METTL25: variants seen among roughly 807,000 people sequenced by gnomAD.
METTL25 encodes methyltransferase like 25.
METTL25 carries 64 observed loss-of-function variants against 71.6 expected under a neutral mutation model. The ratio of observed to expected loss-of-function variants is 0.89; its 90% CI spans 0.73 to 1.10. The LOEUF is 1.10. Among genes scored for constraint, METTL25 ranks in the 50% least tolerant of loss-of-function variants. METTL25 has a pLI of 0.00. For synonymous variants in METTL25, 287 were observed against 250.3 expected (o/e 1.15, Z -1.38); for missense variants, 807 against 707.0 (o/e 1.14, Z -1.60).
chr12:82,391,237 G>A (rs969421329), intron 3 of METTL25, among the ~76,000 whole-genome samples: 2 of 151,914 alleles, frequency 1.3e-5, no homozygotes, highest in African/African-American at 2.4e-5. Context: ...AGAAACCAAG[G>A]CAAAGACCCA....
chr12:82,396,617 A>AC (rs1372061913), intron 3 of METTL25, among the ~76,000 whole-genome samples: 1 of 151,928 alleles, frequency 6.6e-6, no homozygotes, highest in Admixed American at 6.6e-5. Flanking sequence ...TTTTATTCTT[A>AC]TTTTTTGTTT....
At chr12:82,426,297 G>A (rs1470247815) in intron 5 of METTL25, among the ~76,000 whole-genome samples, 4 of 152,012 alleles carry the variant, frequency 2.6e-5, no homozygotes, top group Admixed American at 6.6e-5. Context: ...GATCTCAGCC[G>A]CAAAGGAAAC....
rs142491133 is a variant in METTL25, at chr12:82,414,679, G to C, written c.1279+11549G>C. 3.6e-3 allele frequency among the ~76,000 whole-genome samples: 549 copies of C among 152,200 alleles called. 1 individual carries two copies. The highest frequency in any genetic ancestry group is 0.013 in the African/African-American group (526 of 41,550). ...GTATATAAAGTAATATGAAAGCAAAGTTGACAAATTCTTGTCAGAGAGTTG... is the reference window on the plus strand; with the variant it reads ...GTATATAAAGTAATATGAAAGCAAACTTGACAAATTCTTGTCAGAGAGTTG... On this transcript the variant is annotated intron_variant, in intron 5 of 11. Transcript: ENST00000248306.
intron 5 of METTL25, among the ~76,000 whole-genome samples, chr12:82,408,299 C>T (rs1887258048): frequency 6.6e-6 from 1 of 152,064 alleles, no homozygotes; most frequent in Non-Finnish European, 1.5e-5. Context: ...ATTCATATGA[C>T]AGGTTAAACT....
chr12:82,410,751 G>A (rs1887499328), intron 5 of METTL25, among the ~76,000 whole-genome samples: 1 of 152,058 alleles, frequency 6.6e-6, no homozygotes, highest in Non-Finnish European at 1.5e-5. Context: ...GATAGATAGT[G>A]TTGTTCTGAG....
intron 5 of METTL25, among the ~76,000 whole-genome samples, chr12:82,420,952 C>A (rs1888427830): frequency 6.6e-6 from 1 of 152,012 alleles, no homozygotes; most frequent in Admixed American, 6.6e-5. Context: ...ACCTCTGCCT[C>A]CTAGGTTCAA....
intron 5 of METTL25, among the ~76,000 whole-genome samples, chr12:82,428,256 T>C (rs1358405074): frequency 6.6e-6 from 1 of 151,824 alleles, no homozygotes; most frequent in African/African-American, 2.4e-5. Context: ...AATCTGAGAA[T>C]TGCAGCCTCT....
chr12:82,466,465 A>G (rs932055997), intron 9 of METTL25, among the ~76,000 whole-genome samples: 10 of 151,566 alleles, frequency 6.6e-5, no homozygotes, highest in African/African-American at 2.2e-4. Context: ...GATATTTGGT[A>G]TGATTTTGAT....
Position 82,358,841 on chromosome 12 carries a change from G to C in METTL25, c.259+17G>C. ...GGGAAGCAGGTGGGTGGTGGGGTAG[G>C]CGGGGCGGGAAGGGAGGCGGAGGAG... is the stretch of plus-strand genomic sequence containing the variant. On this transcript the variant is annotated intron_variant, in intron 1 of 11. Transcript: ENST00000248306. 1.3e-6 allele frequency: 2 copies of C among 1,592,274 alleles called. No individual in the cohort carries two copies. The highest frequency in any genetic ancestry group is 4.5e-5 in the East Asian group (2 of 44,132).
intron 3 of METTL25, among the ~76,000 whole-genome samples, chr12:82,393,462 G>A (rs986295657): frequency 2.0e-5 from 3 of 151,854 alleles, no homozygotes; most frequent in Non-Finnish European, 4.4e-5. Flanking sequence ...ACTAGTTTTT[G>A]TTACTGATTT....
At chr12:82,413,853 A>G (rs953576435) in intron 5 of METTL25, among the ~76,000 whole-genome samples, 1 of 151,898 alleles carries the variant, frequency 6.6e-6, no homozygotes, top group African/African-American at 2.4e-5. Flanking sequence ...CATTTGGATG[A>G]TAATAAGAAA....
At chr12:82,403,942 T>C (rs942690180) in intron 5 of METTL25, among the ~76,000 whole-genome samples, 5 of 152,164 alleles carry the variant, frequency 3.3e-5, no homozygotes, top group Non-Finnish European at 7.3e-5. Context: ...TTACCAACTT[T>C]TGTGTGCATT....
intron 4 of METTL25, 54 bp downstream of exon 4, chr12:82,399,448 T>A: frequency 1.5e-6 from 2 of 1,327,340 alleles, no homozygotes; most frequent in South Asian, 2.9e-5. Context: ...TGTATTCAAT[T>A]TTAATAGTAG....
intron 1 of METTL25, among the ~76,000 whole-genome samples, chr12:82,367,588 A>G (rs1164626256): frequency 6.6e-6 from 1 of 152,090 alleles, no homozygotes; most frequent in African/African-American, 2.4e-5. Context: ...TCTCCTTTTT[A>G]AATCTTGCAA....
At position 82,430,920 on chromosome 12, in the gene METTL25, C is replaced by G; in HGVS notation, c.1307C>G (p.Pro436Arg). The change falls in exon 6 of 12, where the codon CCA becomes CGA. Residue 436 changes from proline (P) to arginine (R), a missense_variant. Pro to Arg is a moderately radical substitution (Grantham distance 103, BLOSUM62 -2). Coordinates refer to ENST00000248306, the MANE Select transcript of METTL25 (RefSeq NM_032230.3). ...KERTQEKWGF[P>R]MCHYLKEERW... ...CGTACTCAGGAAAAGTGGGGATTTCCAATGTGCCACTATTTAAAGGAAGAG... is the reference window on the plus strand; with the variant it reads ...CGTACTCAGGAAAAGTGGGGATTTCGAATGTGCCACTATTTAAAGGAAGAG... 6.3e-7 allele frequency: 1 copy of G among 1,599,412 alleles called. No individual in the cohort carries two copies. Among genetic ancestry groups the G allele is most frequent in the Non-Finnish European group, 8.5e-7 (1 of 1,170,936 alleles).
At chr12:82,457,360 G>A (rs1247353017) in intron 9 of METTL25, among the ~76,000 whole-genome samples, 1 of 151,408 alleles carries the variant, frequency 6.6e-6, no homozygotes, top group Non-Finnish European at 1.5e-5. Context: ...ACATTCAGAC[G>A]AGCTATTAAC....
intron 5 of METTL25, among the ~76,000 whole-genome samples, chr12:82,404,032 A>G (rs1338492618): frequency 6.6e-6 from 1 of 152,160 alleles, no homozygotes; most frequent in African/African-American, 2.4e-5. Context: ...AGTCATGCCC[A>G]GGAGGTAAAC....
chr12:82,375,367 G>C (rs1320528606), intron 1 of METTL25, among the ~76,000 whole-genome samples: 1 of 152,084 alleles, frequency 6.6e-6, no homozygotes, highest in Non-Finnish European at 1.5e-5. Context: ...TGGAAGCAGA[G>C]AGCAACCCTC....
intron 5 of METTL25, among the ~76,000 whole-genome samples, chr12:82,423,242 T>A (rs1386018521): frequency 6.6e-6 from 1 of 152,004 alleles, no homozygotes; most frequent in Non-Finnish European, 1.5e-5. Context: ...ATACTACACA[T>A]CTACAACTAT....
Sources: gnomAD v4.1 joint callset for allele counts (sites outside exome capture counted in the v4.1 genomes callset) on GRCh38, gnomAD v4.1.1 for gene constraint, MANE v1.5 for transcripts, NCBI Gene and HGNC (gene_info 2026-07-23, HGNC 2026-07-21) for gene names.